NCKAP5: variants seen among roughly 807,000 people sequenced by gnomAD.
NCKAP5 encodes nck-associated protein 5.
NCKAP5 carries 92 observed loss-of-function variants against 167.0 expected under a neutral mutation model. The observed-to-expected ratio is 0.55, with a 90% CI of 0.47 to 0.66. The LOEUF is 0.66. NCKAP5 is among the 30% of genes least tolerant of loss of function. The probability of loss-of-function intolerance (pLI) is 0.00; values close to 1 mark genes in which losing one functional copy is unlikely to be tolerated. For missense variants in NCKAP5, 2,378 were observed against 2,315.0 expected (o/e 1.03, Z -0.56); for synonymous variants, 891 against 877.4 (o/e 1.02, Z -0.27).
At chr2:133,290,809 A>G (rs1679539291) in intron 4 of NCKAP5, among the ~76,000 whole-genome samples, 1 of 146,212 alleles carries the variant, frequency 6.8e-6, no homozygotes, top group African/African-American at 2.5e-5. Flanking sequence ...GCTGGAGTAC[A>G]GTGGCAGGAA....
chr2:133,605,407 G>A, the NCKAP5 span, among the ~76,000 whole-genome samples: 1 of 152,144 alleles, frequency 6.6e-6, no homozygotes, highest in Non-Finnish European at 1.5e-5. Context: ...TCTGACAACC[G>A]AGGCTGTGGT....
At chr2:133,054,185 G>A (rs1291364246) in intron 6 of NCKAP5, among the ~76,000 whole-genome samples, 1 of 152,176 alleles carries the variant, frequency 6.6e-6, no homozygotes, top group Non-Finnish European at 1.5e-5. Context: ...TTGTTCCAAA[G>A]TGTTTACCCA....
At chr2:133,243,316 A>G (rs901416870) in intron 4 of NCKAP5, among the ~76,000 whole-genome samples, 13 of 152,190 alleles carry the variant, frequency 8.5e-5, no homozygotes, top group Non-Finnish European at 7.3e-5. Flanking sequence ...AGATTCTCAA[A>G]ACAAAGGAAG....
intron 19 of NCKAP5, among the ~76,000 whole-genome samples, chr2:132,691,899 G>A (rs1298330163): frequency 6.6e-6 from 1 of 152,108 alleles, no homozygotes; most frequent in East Asian, 1.9e-4. Context: ...GTAAGAGAGA[G>A]CACTCTTGAC....
chr2:133,515,024 T>C (rs566108575), intron 3 of NCKAP5, among the ~76,000 whole-genome samples: 2 of 152,312 alleles, frequency 1.3e-5, no homozygotes, highest in South Asian at 4.2e-4. Flanking sequence ...CAGCAGCCCT[T>C]ATCTAGAATC....
intron 3 of NCKAP5, among the ~76,000 whole-genome samples, chr2:133,435,315 G>A (rs954386929): frequency 6.6e-6 from 1 of 152,148 alleles, no homozygotes; most frequent in African/African-American, 2.4e-5. Flanking sequence ...AATCCCAGAC[G>A]AGTTTAATTA....
At position 133,357,288 on chromosome 2, in the gene NCKAP5, GACACACACAC is replaced by G. The variant is rs10635907; in HGVS notation, c.70-54188_70-54179del. Among the ~76,000 whole-genome samples the G allele has an allele frequency of 6.6e-4, 93 of 140,266 alleles. 1 individual carries two copies. In the South Asian group the frequency reaches 9.8e-3, roughly 15 times the overall value. 92.0% of individuals were successfully genotyped at this position (140,266 alleles called of 152,430 possible). On this transcript the variant is annotated intron_variant, in intron 3 of 19. Coordinates refer to ENST00000409261, the MANE Select transcript of NCKAP5 (RefSeq NM_207363.3). ...ATTAGTTGGGTCACACACATACACA[GACACACACAC>G]ACACACACACACACACACACACACA...
chr2:132,811,434 A>T (rs1366383436), intron 11 of NCKAP5, among the ~76,000 whole-genome samples: 2 of 152,034 alleles, frequency 1.3e-5, no homozygotes, highest in Non-Finnish European at 2.9e-5. Flanking sequence ...CCTTGGGTAC[A>T]TCTTGCTGCT....
the NCKAP5 span, among the ~76,000 whole-genome samples, chr2:133,587,145 T>C: frequency 1.3e-5 from 2 of 152,144 alleles, no homozygotes; most frequent in East Asian, 1.9e-4. Context: ...ATTTTCACTA[T>C]GATATCAGTC....
At chr2:133,560,591 G>T (rs1360584708) in intron 1 of NCKAP5, among the ~76,000 whole-genome samples, 1 of 152,226 alleles carries the variant, frequency 6.6e-6, no homozygotes, top group South Asian at 2.1e-4. Flanking sequence ...AGATTTGGGT[G>T]AATAAGAGGA....
chr2:133,509,782 C>T (rs1186152892), intron 3 of NCKAP5, among the ~76,000 whole-genome samples: 2 of 152,160 alleles, frequency 1.3e-5, no homozygotes, highest in Non-Finnish European at 2.9e-5. Context: ...CACAGGACAG[C>T]GCCCATGACA....
chr2:133,153,618 A>AG (rs904485527), intron 5 of NCKAP5, among the ~76,000 whole-genome samples: 68 of 152,006 alleles, frequency 4.5e-4, no homozygotes, highest in African/African-American at 1.6e-3. Context: ...CCAAACCCCC[A>AG]GGCATACAAC....
intron 11 of NCKAP5, among the ~76,000 whole-genome samples, chr2:132,812,435 G>C (rs1407057305): frequency 6.6e-6 from 1 of 152,194 alleles, no homozygotes; most frequent in African/African-American, 2.4e-5. Flanking sequence ...TTTGAACCTG[G>C]ACATAAACTT....
chr2:133,408,100 G>A (rs1182723002), intron 3 of NCKAP5, among the ~76,000 whole-genome samples: 2 of 152,130 alleles, frequency 1.3e-5, no homozygotes, highest in East Asian at 3.9e-4. Context: ...GCAGTCCATT[G>A]GGGAGCCAGG....
rs184921432 is a variant in NCKAP5, at chr2:133,088,898, C to T, written c.341+41080G>A. 9.2e-5 allele frequency among the ~76,000 whole-genome samples: 14 copies of T among 151,998 alleles called. No individual in the cohort carries two copies. In the East Asian group the frequency reaches 2.3e-3, roughly 25 times the overall value. On this transcript the variant is annotated intron_variant, in intron 6 of 19. Coordinates refer to ENST00000409261, the MANE Select transcript of NCKAP5 (RefSeq NM_207363.3). ...ATTATTTTTGAACTTCCATACAAGG[C>T]GTACAAGAACATAAAAGAACACAAG...
the NCKAP5 span, among the ~76,000 whole-genome samples, chr2:133,597,999 G>C: frequency 6.6e-6 from 1 of 152,166 alleles, no homozygotes. Context: ...GGTAAACTGG[G>C]AGAAACAGAG....
intron 6 of NCKAP5, among the ~76,000 whole-genome samples, chr2:133,090,332 A>G (rs2081132293): frequency 6.6e-6 from 1 of 152,150 alleles, no homozygotes; most frequent in African/African-American, 2.4e-5. Context: ...TCCAACGACA[A>G]GCATTCTTAT....
chr2:132,879,002 T>A, intron 8 of NCKAP5, 86 bp from the exon 9 acceptor site: 1 of 1,027,670 alleles, frequency 9.7e-7, no homozygotes. Context: ...ACTAAATATA[T>A]CTCCTCGTGA....
intron 8 of NCKAP5, among the ~76,000 whole-genome samples, chr2:132,895,793 G>C (rs1574552538): frequency 7.9e-6 from 1 of 127,000 alleles, no homozygotes; most frequent in African/African-American, 3.0e-5. Context: ...AGGCCACACA[G>C]AGCTAACTGA....
Sources: allele counts gnomAD v4.1 joint callset (sites outside exome capture counted in the v4.1 genomes callset), GRCh38; gene constraint gnomAD v4.1.1; transcripts MANE v1.5; gene names NCBI Gene and HGNC (gene_info 2026-07-23, HGNC 2026-07-21).